Variants in CSGALNACT1 observed in about 807,000 individuals in gnomAD.
CSGALNACT1 encodes the protein beta4GalNAcT-1.
In CSGALNACT1, 52 loss-of-function variants were observed where a neutral mutation model predicts 51.0. The ratio of observed to expected loss-of-function variants is 1.02; its 90% CI spans 0.82 to 1.29. The LOEUF is 1.29. Ranked by LOEUF, CSGALNACT1 falls within the 50% of genes most tolerant of loss-of-function variation. The pLI, the probability that CSGALNACT1 is intolerant of heterozygous loss-of-function variation, is 0.00. For synonymous variants in CSGALNACT1, 341 were observed against 254.4 expected (o/e 1.34, Z -3.24); for missense variants, 935 against 679.2 (o/e 1.38, Z -4.19).
intron 2 of CSGALNACT1, among the ~76,000 whole-genome samples, chr8:19,600,973 T>C (rs2050294844): frequency 6.6e-6 from 1 of 151,780 alleles, no homozygotes; most frequent in Non-Finnish European, 1.5e-5. Context: ...GAATTACTTC[T>C]AGAAAAAAAA....
chr8:19,411,975 C>G (rs2055858358), intron 8 of CSGALNACT1, among the ~76,000 whole-genome samples: 1 of 151,918 alleles, frequency 6.6e-6, no homozygotes, highest in South Asian at 2.1e-4. Context: ...GGATTACAGG[C>G]ACGTACCACC....
chr8:19,666,771 GAAA>G (rs2059214918), intron 1 of CSGALNACT1, among the ~76,000 whole-genome samples: 1 of 7,070 alleles, frequency 1.4e-4, no homozygotes, highest in Non-Finnish European at 2.7e-4. Context: ...AAGAAAGAAA[GAAA>G]GAAAGAAAGA....
chr8:19,694,481 A>T (rs2061488258), intron 1 of CSGALNACT1, among the ~76,000 whole-genome samples: 1 of 152,254 alleles, frequency 6.6e-6, no homozygotes, highest in Admixed American at 6.5e-5. Context: ...AAAATAGAGA[A>T]AATTGCACAT....
upstream of CSGALNACT1, among the ~76,000 whole-genome samples, chr8:19,607,091 T>G (rs1045409431): frequency 2.7e-5 from 4 of 150,098 alleles, no homozygotes; most frequent in Non-Finnish European, 5.9e-5. Flanking sequence ...GGAGGCAGAG[T>G]GTGCAGCGAG....
At chr8:19,620,032 G>A (rs2053610414) in intron 1 of CSGALNACT1, among the ~76,000 whole-genome samples, 1 of 152,114 alleles carries the variant, frequency 6.6e-6, no homozygotes, top group Admixed American at 6.6e-5. Flanking sequence ...AAGAAAGCAG[G>A]CTGGGCATAG....
chr8:19,718,294 G>T (rs768391675), intron 1 of CSGALNACT1, among the ~76,000 whole-genome samples: 2 of 152,072 alleles, frequency 1.3e-5, no homozygotes, highest in African/African-American at 2.4e-5. Context: ...TAGAGATGGG[G>T]TTGTACCATG....
At chr8:19,594,834 G>A (rs1319164242) in intron 2 of CSGALNACT1, among the ~76,000 whole-genome samples, 2 of 152,036 alleles carry the variant, frequency 1.3e-5, no homozygotes, top group South Asian at 2.1e-4. Context: ...TTATAGGCAT[G>A]AGCCACCACA....
chr8:19,726,201 T>C (rs2063391488), intron 1 of CSGALNACT1, among the ~76,000 whole-genome samples: 1 of 152,194 alleles, frequency 6.6e-6, no homozygotes, highest in Middle Eastern at 3.2e-3. Context: ...TGTAAATAGT[T>C]ACAGACTTTA....
chr8:19,644,709 CAAAAAAAA>C (rs756025465), intron 1 of CSGALNACT1, among the ~76,000 whole-genome samples: 6 of 22,292 alleles, frequency 2.7e-4, no homozygotes, highest in South Asian at 2.1e-3. Flanking sequence ...GACTCCGTCT[CAAAAAAAA>C]AAAAAAAAAA....
chr8:19,697,387 T>C (rs2061638139), intron 1 of CSGALNACT1, among the ~76,000 whole-genome samples: 1 of 151,960 alleles, frequency 6.6e-6, no homozygotes, highest in African/African-American at 2.4e-5. Context: ...GGGTTGATCA[T>C]GATGGAAATT....
rs181199118 is a variant in CSGALNACT1, at chr8:19,593,157, C to T, written c.-415-1879G>A. On this transcript the variant is annotated intron_variant, in intron 2 of 9. Transcript: ENST00000454498. Reference sequence around the variant, plus strand: ...GCCTGCACCACAGCTAAAGAATGTACGATATGTATCAGAAATACGTGGGCT... The same window carrying T: ...GCCTGCACCACAGCTAAAGAATGTATGATATGTATCAGAAATACGTGGGCT... Among the ~76,000 whole-genome samples, 156 of 152,230 alleles carry T rather than the reference C, an allele frequency of 1.0e-3. 1 individual carries two copies. The highest frequency in any genetic ancestry group is 4.1e-3 in the Admixed American group (63 of 15,280).
At chr8:19,680,938 G>A (rs1340178287) in intron 1 of CSGALNACT1, among the ~76,000 whole-genome samples, 6 of 151,994 alleles carry the variant, frequency 3.9e-5, no homozygotes, top group Non-Finnish European at 7.4e-5. Context: ...TATCTTATGG[G>A]ACCACAGTTG....
intron 6 of CSGALNACT1, among the ~76,000 whole-genome samples, chr8:19,439,187 C>T (rs992261097): frequency 1.3e-5 from 2 of 152,192 alleles, no homozygotes; most frequent in African/African-American, 4.8e-5. Context: ...AAAAATCCAT[C>T]TATGCTGCTT....
chr8:19,727,015 C>T (rs1028214089), intron 1 of CSGALNACT1, among the ~76,000 whole-genome samples: 3 of 152,160 alleles, frequency 2.0e-5, no homozygotes, highest in Non-Finnish European at 4.4e-5. Context: ...TAAACTCCAG[C>T]ACTTTTATTC....
intron 1 of CSGALNACT1, among the ~76,000 whole-genome samples, chr8:19,713,711 A>T (rs999985041): frequency 2.6e-5 from 4 of 151,848 alleles, no homozygotes; most frequent in African/African-American, 9.7e-5. Flanking sequence ...GCAAGGAAGG[A>T]CCCCCTATGG....
chr8:19,450,813 G>T (rs927157372), intron 5 of CSGALNACT1, among the ~76,000 whole-genome samples: 3 of 152,058 alleles, frequency 2.0e-5, no homozygotes, highest in Non-Finnish European at 2.9e-5. Flanking sequence ...AGGAGTCTGA[G>T]GGGGGAGGAT....
chr8:19,459,666 G>A (rs76544643), intron 4 of CSGALNACT1, among the ~76,000 whole-genome samples: 17,365 of 152,164 alleles, frequency 0.11, 1,233 homozygotes, highest in Middle Eastern at 0.2. Context: ...TTCAAATCCT[G>A]GCCCCACAGG....
intron 1 of CSGALNACT1, among the ~76,000 whole-genome samples, chr8:19,707,570 A>G (rs537774219): frequency 1.1e-3 from 171 of 152,288 alleles, no homozygotes; most frequent in Non-Finnish European, 1.3e-3. Flanking sequence ...GGGACCACTG[A>G]CACAAATTGA....
At chr8:19,490,398 G>A (rs2074098803) in intron 4 of CSGALNACT1, among the ~76,000 whole-genome samples, 3 of 152,146 alleles carry the variant, frequency 2.0e-5, no homozygotes, top group African/African-American at 7.2e-5. Context: ...GGAAGAAGAG[G>A]TGTTTTGTTC....
Sources: allele counts gnomAD v4.1 joint callset (sites outside exome capture counted in the v4.1 genomes callset), GRCh38; gene constraint gnomAD v4.1.1; transcripts MANE v1.5; gene names NCBI Gene and HGNC (gene_info 2026-07-23, HGNC 2026-07-21).